The following ATM variants were observed in gnomAD, a reference collection of about 807,000 sequenced individuals.
ATM encodes the protein serine-protein kinase ATM.
ATM carries 308 observed loss-of-function variants against 387.0 expected under a neutral mutation model. That is an observed-to-expected ratio of 0.80 (90% confidence interval 0.73 to 0.87). The LOEUF (loss-of-function observed/expected upper bound fraction) is 0.87, where lower values mean the gene tolerates loss of function less well. ATM is among the 40% of genes least tolerant of loss of function. ATM has a pLI of 0.00. For missense variants in ATM, 3,312 were observed against 3,560.9 expected (o/e 0.93, Z 1.78); for synonymous variants, 1,156 against 1,187.3 (o/e 0.97, Z 0.54).
Position 108,287,676 on chromosome 11 carries a change from CT to C in ATM, c.4071del (p.Ser1358ValfsTer28). The C allele has an allele frequency of 6.2e-7, 1 of 1,613,758 alleles. No individual in the cohort carries two copies. Among genetic ancestry groups the C allele is most frequent in the South Asian group, 1.1e-5 (1 of 91,052 alleles). ...ATGACGTTACATGAGCCAGCAAATT[CT>C]AGTGCCAGTCAGAGCACTGACCTCT... ...LLMTLHEPAN[S>X]SASQSTDLCD... is the part of the protein sequence containing the mutation. On this transcript the variant is annotated frameshift_variant, in exon 27 of 63. Coordinates refer to ENST00000675843, the MANE Select transcript of ATM (RefSeq NM_000051.4). LOFTEE classifies it high-confidence loss of function.
intron 5 of ATM, among the ~76,000 whole-genome samples, chr11:108,241,336 T>C (rs1033327148): frequency 3.9e-5 from 6 of 152,210 alleles, no homozygotes; most frequent in African/African-American, 1.2e-4. Flanking sequence ...ATAAAAAGCA[T>C]AGTAGAGTAA....
In ATM at chr11:108,227,800, C is replaced by T. The variant is rs1057522542; in HGVS notation, c.97C>T (p.Leu33=). 1.2e-6 allele frequency: 2 copies of T among 1,613,518 alleles called. No homozygotes were observed. The highest frequency in any genetic ancestry group is 1.7e-4 in the Middle Eastern group (1 of 6,058). The change falls in exon 3 of 63, where the codon CTG becomes TTG. Residue 33 remains leucine (L), a synonymous_variant. Transcript: ENST00000675843. The part of the protein sequence containing the change: ...RKKEVEKFKR[L]IRDPETIKHL... ...GAAAGAAGTTGAGAAATTTAAGCGC[C>T]TGATTCGAGATCCTGAAACAATTAA...
At position 108,289,672 on chromosome 11, in the gene ATM, A is replaced by G. The variant is rs940104361; in HGVS notation, c.4307A>G (p.His1436Arg). 5.0e-6 allele frequency: 8 copies of G among 1,613,114 alleles called. No homozygotes were observed. In the African/African-American group the frequency reaches 8.0e-5, roughly 16 times the overall value. ...GAAACAAATAATGTTTATAAGAAGC[A>G]CAGAATTCTTAAAATATATCACCTG... Reference protein sequence around the residue: ...AAETNNVYKKHRILKIYHLFV... With the variant: ...AAETNNVYKKRRILKIYHLFV... Residue 1436 changes from histidine (H) to arginine (R), a missense_variant, in exon 29 of 63, where the codon CAC (histidine) becomes CGC (arginine). His to Arg is a conservative substitution (Grantham distance 29). Transcript: ENST00000675843.
At chr11:108,302,707 C>T (rs2083489088) in intron 35 of ATM, 146 bp from the exon 36 acceptor site, 1 of 797,700 alleles carries the variant, frequency 1.3e-6, no homozygotes, top group South Asian at 1.8e-5. Context: ...TAAATGTTTT[C>T]ATCTTAAAAG....
intron 5 of ATM, among the ~76,000 whole-genome samples, chr11:108,239,577 A>T (rs1400911833): frequency 6.6e-6 from 1 of 152,170 alleles, no homozygotes; most frequent in East Asian, 1.9e-4. Context: ...CTACCTTCTG[A>T]TTATTGTGAA....
intron 32 of ATM, chr11:108,295,305 T>C: frequency 2.3e-6 from 1 of 435,214 alleles, no homozygotes; most frequent in Non-Finnish European, 4.1e-6. Context: ...GTTTTTCTAC[T>C]GCCTAAATTT....
intron 40 of ATM, among the ~76,000 whole-genome samples, chr11:108,312,717 A>G (rs183004065): frequency 5.0e-4 from 76 of 152,336 alleles, no homozygotes; most frequent in Middle Eastern, 3.4e-3. Context: ...CTTATCTGAA[A>G]GACGAAGGTA....
intron 1 of ATM, chr11:108,227,348 A>G (rs2078790817): frequency 2.5e-6 from 1 of 394,942 alleles, no homozygotes; most frequent in Admixed American, 4.0e-5. Flanking sequence ...TACTACTGCA[A>G]GCAAGGCAAA....
At chr11:108,356,953 G>C (rs150440359) in intron 61 of ATM, among the ~76,000 whole-genome samples, 7 of 152,310 alleles carry the variant, frequency 4.6e-5, no homozygotes, top group African/African-American at 1.2e-4. Flanking sequence ...CAAGATGGCC[G>C]AATAGGAACA....
Position 108,317,444 on chromosome 11 carries a change from C to T in ATM, c.6270C>T (p.Asp2090=). ...YLKGLDYENK[D]WCPELEELHY... The stretch of plus-strand genomic sequence containing the variant: ...AAGGATTGGATTATGAAAATAAAGA[C>T]TGGTGTCCTGAACTAGAAGAACTTC... The change falls in exon 43 of 63, where the codon GAC becomes GAT. Residue 2090 remains aspartate (D), a synonymous_variant. Coordinates refer to ENST00000675843, the MANE Select transcript of ATM (RefSeq NM_000051.4). 6.2e-7 allele frequency: 1 copy of T among 1,612,136 alleles called. No individual in the cohort carries two copies. Among genetic ancestry groups the T allele is most frequent in the Non-Finnish European group, 8.5e-7 (1 of 1,179,286 alleles).
At chr11:108,227,065 A>T (rs1380174471) in intron 1 of ATM, 1 of 153,980 alleles carries the variant, frequency 6.5e-6, no homozygotes, top group Non-Finnish European at 1.4e-5. Flanking sequence ...CCCAGGCTGG[A>T]GTACAGTGGC....
At chr11:108,274,006 C>G (rs1462770977) in intron 22 of ATM, among the ~76,000 whole-genome samples, 5 of 152,044 alleles carry the variant, frequency 3.3e-5, no homozygotes, top group Admixed American at 6.5e-5. Flanking sequence ...TGGTCCTGGG[C>G]TTTTTTTGGT....
At chr11:108,353,489 T>G (rs1412852089) in intron 59 of ATM, among the ~76,000 whole-genome samples, 9 of 152,162 alleles carry the variant, frequency 5.9e-5, no homozygotes, top group African/African-American at 2.2e-4. Context: ...CATTTTAAAT[T>G]ATACCAGTAG....
In ATM at chr11:108,244,042, A is replaced by C. The variant is rs2079703283; in HGVS notation, c.586A>C (p.Lys196Gln). The change falls in exon 6 of 63, where the codon AAA (lysine) becomes CAA (glutamine). Residue 196 changes from lysine (K) to glutamine (Q), a missense_variant. Physicochemically the swap from Lys to Gln is moderately conservative, Grantham distance 53 (BLOSUM62 1). Around this residue, in one of 4 missense-constraint regions of ATM, gnomAD observed 1,791 missense variants for 1,804.5 expected, o/e 0.99. Coordinates refer to ENST00000675843, the MANE Select transcript of ATM (RefSeq NM_000051.4). ...LVARIIHAVTKGCCSQTDGLN... is the reference protein window; with the variant it reads ...LVARIIHAVTQGCCSQTDGLN... Reference sequence around the variant, plus strand: ...GGCTAGAATAATTCATGCTGTTACCAAAGGATGCTGTTCTCAGACTGACGG... The same window carrying C: ...GGCTAGAATAATTCATGCTGTTACCCAAGGATGCTGTTCTCAGACTGACGG... The C allele has an allele frequency of 6.2e-7, 1 of 1,613,654 alleles. No individual in the cohort carries two copies. Among genetic ancestry groups the C allele is most frequent in the Non-Finnish European group, 8.5e-7 (1 of 1,179,844 alleles).
At chr11:108,277,124 C>T (rs2081987579) in intron 22 of ATM, among the ~76,000 whole-genome samples, 1 of 152,110 alleles carries the variant, frequency 6.6e-6, no homozygotes, top group African/African-American at 2.4e-5. Context: ...CTATGTTGGG[C>T]TCCACCCAGT....
intron 17 of ATM, among the ~76,000 whole-genome samples, chr11:108,267,718 G>A (rs978851235): frequency 4.6e-5 from 7 of 152,084 alleles, no homozygotes; most frequent in Non-Finnish European, 7.4e-5. Flanking sequence ...TTAGATGGGC[G>A]TGGTGGCGGG....
At chr11:108,263,663 A>C (rs2081044615) in intron 16 of ATM, among the ~76,000 whole-genome samples, 1 of 150,014 alleles carries the variant, frequency 6.7e-6, no homozygotes, top group African/African-American at 2.4e-5. Flanking sequence ...AGACACAAAA[A>C]ACCCTTCAAA....
intron 16 of ATM, among the ~76,000 whole-genome samples, chr11:108,260,843 A>G (rs941674075): frequency 2.1e-4 from 32 of 152,336 alleles, no homozygotes; most frequent in African/African-American, 7.7e-4. Context: ...GCAAGGGGTC[A>G]GGGAGTTCCC....
At chr11:108,253,531 T>C (rs1307387666) in intron 12 of ATM, among the ~76,000 whole-genome samples, 1 of 152,144 alleles carries the variant, frequency 6.6e-6, no homozygotes, top group Non-Finnish European at 1.5e-5. Flanking sequence ...CATTTATATC[T>C]GGTGTTTTTA....
Sources: gnomAD v4.1 joint callset for allele counts (sites outside exome capture counted in the v4.1 genomes callset) on GRCh38, gnomAD v4.1.1 for gene constraint, gnomAD v4.1.1 regional missense constraint, MANE v1.5 for transcripts, NCBI Gene and HGNC (gene_info 2026-07-23, HGNC 2026-07-21) for gene names.